The following WDR82 variants were observed in gnomAD, a reference collection of about 807,000 sequenced individuals.
WDR82 encodes WD repeat-containing protein 82.
WDR82 carries 8 observed loss-of-function variants against 36.1 expected under a neutral mutation model. The ratio of observed to expected loss-of-function variants is 0.22; its 90% confidence interval spans 0.13 to 0.40. The LOEUF is 0.40. WDR82 is among the 10% of genes least tolerant of loss of function. The probability of loss-of-function intolerance (pLI) is 1.00; values close to 1 mark genes in which losing one functional copy is unlikely to be tolerated. For synonymous variants in WDR82, 129 were observed against 137.8 expected, an observed-to-expected ratio of 0.94 and a Z score of 0.45; for missense variants, 185 against 400.5, an observed-to-expected ratio of 0.46 and a Z score of 4.59.
rs869189597 is a variant in WDR82 at position 52,265,299 on chromosome 3, C to CAAAAAAAA, written c.326+1645_326+1652dup. ...TGGGCGACAGAGCGAGACTCTGTCT[C>CAAAAAAAA]AAAAAAAAAAAAAAAAAAAAAAAAA... is the stretch of plus-strand genomic sequence containing the variant. On this transcript the variant is annotated intron_variant, in intron 3 of 8. Transcript: ENST00000296490. Among the ~76,000 whole-genome samples, 33 of 43,812 alleles carry CAAAAAAAA rather than the reference C, an allele frequency of 7.5e-4. 4 individuals are homozygous for CAAAAAAAA. The highest frequency in any genetic ancestry group is 1.3e-3 in the South Asian group (1 of 788). The allele number at this position is 43,812 out of a possible 152,430, so 28.7% of individuals were successfully genotyped here.
At chr3:52,275,652 G>A (rs1204183111) in intron 1 of WDR82, among the ~76,000 whole-genome samples, 5 of 152,182 alleles carry the variant, frequency 3.3e-5, no homozygotes, top group African/African-American at 1.2e-4. Flanking sequence ...TTGGGAGGCT[G>A]AGGCGGGTAG....
At chr3:52,265,721 G>A (rs34385735) in intron 3 of WDR82, among the ~76,000 whole-genome samples, 5,414 of 152,048 alleles carry the variant, frequency 0.036, 142 homozygotes, top group Non-Finnish European at 0.049. Flanking sequence ...AATTACAGGC[G>A]CACACCACCA....
intron 8 of WDR82, among the ~76,000 whole-genome samples, chr3:52,257,972 G>A (rs1323490624): frequency 1.3e-5 from 2 of 152,012 alleles, no homozygotes; most frequent in East Asian, 1.9e-4. Context: ...AATGTGCTCC[G>A]GGTAGGCTAG....
intron 1 of WDR82, among the ~76,000 whole-genome samples, chr3:52,272,442 G>A (rs1224821950): frequency 1.3e-5 from 2 of 151,306 alleles, no homozygotes; most frequent in African/African-American, 2.4e-5. Context: ...TACTCAGGAG[G>A]CTGAGGCACG....
chr3:52,260,537 A>C, intron 4 of WDR82, 36 bp from the exon 5 acceptor site: 1 of 1,413,880 alleles, frequency 7.1e-7, no homozygotes, highest in Non-Finnish European at 9.6e-7. Context: ...ACTAAAACAC[A>C]CATGCCACAA....
At chr3:52,260,611 A>T in intron 4 of WDR82, 110 bp from the exon 5 acceptor site, 1 of 595,346 alleles carries the variant, frequency 1.7e-6, no homozygotes, top group Admixed American at 3.4e-5. Flanking sequence ...CCAGGACCTT[A>T]CCACTATATA....
rs1286725390 is a variant in WDR82, at chr3:52,259,867, T to C, written c.549A>G (p.Pro183=). 4 of 1,612,434 alleles carry C rather than the reference T, an allele frequency of 2.5e-6. No homozygotes were observed. The South Asian group carries it at 4.4e-5, about 18-fold the overall frequency. Residue 183 remains proline (P), a synonymous_variant, in exon 6 of 9, where the codon CCA becomes CCG. Transcript: ENST00000296490. ...CATACTGCATCTTAAAGGTAGCAAATGGCCCCTGCAAAAGATAAAAAACAG... is the reference window on the plus strand; with the variant it reads ...CATACTGCATCTTAAAGGTAGCAAACGGCCCCTGCAAAAGATAAAAAACAG... ...LYDLRSFDKG[P]FATFKMQYDR...
At chr3:52,258,387 T>C (rs985562751) in intron 8 of WDR82, 149 bp downstream of exon 8, 6 of 912,576 alleles carry the variant, frequency 6.6e-6, no homozygotes, top group Non-Finnish European at 8.5e-6. Context: ...TAATAGGAGA[T>C]GAAATAGGGA....
At chr3:52,278,006 A>G in intron 1 of WDR82, 195 bp downstream of exon 1, 1 of 448,116 alleles carries the variant, frequency 2.2e-6, no homozygotes, top group Non-Finnish European at 3.8e-6. Flanking sequence ...AATTATGACT[A>G]TCGTTATCTT....
chr3:52,275,052 C>T (rs933464729), intron 1 of WDR82, among the ~76,000 whole-genome samples: 6 of 151,992 alleles, frequency 3.9e-5, no homozygotes, highest in Middle Eastern at 3.4e-3. Flanking sequence ...AGAAATCCCG[C>T]ATCTACTAAA....
intron 7 of WDR82, 53 bp downstream of exon 7, chr3:52,259,144 G>T (rs1559452505): frequency 1.3e-6 from 2 of 1,490,912 alleles, no homozygotes; most frequent in East Asian, 2.3e-5. Context: ...TTTAAACAAA[G>T]AAATGCATAG....
chr3:52,270,333 T>C (rs953048941), intron 2 of WDR82, among the ~76,000 whole-genome samples: 2 of 152,238 alleles, frequency 1.3e-5, no homozygotes, highest in Admixed American at 6.5e-5. Context: ...TCGGCCAGGC[T>C]GGTCTTGAAC....
chr3:52,258,462 G>A, intron 8 of WDR82, 74 bp downstream of exon 8: 7 of 1,557,740 alleles, frequency 4.5e-6, no homozygotes, highest in African/African-American at 1.4e-5. Flanking sequence ...ACAGCTTGCT[G>A]TGCTTGTTGA....
chr3:52,271,543 G>A (rs913772627), intron 1 of WDR82, among the ~76,000 whole-genome samples: 7 of 151,804 alleles, frequency 4.6e-5, no homozygotes, highest in Non-Finnish European at 8.8e-5. Context: ...AAACCCAAGA[G>A]GCCAAACTTT....
In WDR82 at chr3:52,278,398, G is replaced by C. The variant is rs1400943558; in HGVS notation, c.-37C>G. The C allele has an allele frequency of 7.4e-7, 1 of 1,350,768 alleles. No individual in the cohort carries two copies. The highest frequency in any genetic ancestry group is 9.6e-7 in the Non-Finnish European group (1 of 1,045,634). The allele number at this position is 1,350,768 out of a possible 1,614,324, so 83.7% of individuals were successfully genotyped here. On this transcript the variant is annotated 5_prime_UTR_variant, in exon 1 of 9. Transcript: ENST00000296490. The stretch of plus-strand genomic sequence containing the variant: ...GGGAAGGCAGCGGCGGCGCAGGGCC[G>C]GGGCGGGGCCCGGCGGCGAGCGGGC...
chr3:52,274,067 T>C (rs908926395), intron 1 of WDR82, among the ~76,000 whole-genome samples: 1 of 152,244 alleles, frequency 6.6e-6, no homozygotes, highest in African/African-American at 2.4e-5. Context: ...AGGAAAATAA[T>C]ATTAACCTTT....
Position 52,259,721 on chromosome 3 carries a change from A to T in WDR82, c.695T>A (p.Phe232Tyr), listed in dbSNP as rs770711043. 3 of 1,613,076 alleles carry T rather than the reference A, an allele frequency of 1.9e-6. No individual in the cohort carries two copies. The South Asian group carries it at 3.3e-5, about 18-fold the overall frequency. The change falls in exon 6 of 9, where the codon TTT becomes TAT. Residue 232 changes from phenylalanine (F) to tyrosine (Y), a missense_variant. Around this residue, in one of 3 missense-constraint regions of WDR82, gnomAD observed 110 missense variants for 212.6 expected, o/e 0.52. Coordinates refer to ENST00000296490, the MANE Select transcript of WDR82 (RefSeq NM_025222.4). ...DAFKGVVMHT[F>Y]GGYANSKAVT... ...GCTTGAAGGCTGTCAGCTCACCCCAAATGTGTGCATCACCACTCCTTTGAA... is the reference window on the plus strand; with the variant it reads ...GCTTGAAGGCTGTCAGCTCACCCCATATGTGTGCATCACCACTCCTTTGAA...
intron 3 of WDR82, among the ~76,000 whole-genome samples, chr3:52,263,904 C>T (rs919926747): frequency 4.6e-5 from 7 of 152,210 alleles, no homozygotes; most frequent in African/African-American, 1.7e-4. Context: ...TGGCTCATGC[C>T]TGTAATCCCA....
chr3:52,270,839 G>C (rs762824294), intron 1 of WDR82, 30 bp from the exon 2 acceptor site: 3 of 1,507,814 alleles, frequency 2.0e-6, no homozygotes, highest in Non-Finnish European at 2.7e-6. Context: ...AGAAAATCAT[G>C]AACATTCTCC....
Sources: gnomAD v4.1 joint callset for allele counts (sites outside exome capture counted in the v4.1 genomes callset) on GRCh38, gnomAD v4.1.1 for gene constraint, gnomAD v4.1.1 regional missense constraint, MANE v1.5 for transcripts, NCBI Gene and HGNC (gene_info 2026-07-23, HGNC 2026-07-21) for gene names.